The following DPP10 variants were observed in gnomAD, a reference collection of about 807,000 sequenced individuals.
DPP10 encodes the protein dipeptidyl peptidase like 10.
DPP10 carries 33 observed loss-of-function variants against 120.9 expected under a neutral mutation model. The ratio of observed to expected loss-of-function variants is 0.27; its 90% CI spans 0.21 to 0.37. DPP10 has a LOEUF of 0.37. DPP10 is among the 10% of genes least tolerant of loss of function. DPP10 has a pLI of 1.00. For synonymous variants in DPP10, 337 were observed against 326.1 expected (o/e 1.03, Z -0.36); for missense variants, 816 against 942.8 (o/e 0.87, Z 1.76).
At chr2:114,633,021 A>G (rs1695047811) in intron 1 of DPP10, among the ~76,000 whole-genome samples, 1 of 151,882 alleles carries the variant, frequency 6.6e-6, no homozygotes, top group African/African-American at 2.4e-5. Flanking sequence ...ATTTCTCCAT[A>G]TAGCTCTGGT....
At chr2:114,526,503 C>G (rs758021985) in intron 1 of DPP10, among the ~76,000 whole-genome samples, 5 of 152,230 alleles carry the variant, frequency 3.3e-5, no homozygotes, top group Middle Eastern at 3.4e-3. Context: ...ATAGAAAACA[C>G]CTTTATGTGT....
In DPP10 at chr2:114,847,323, T is replaced by C. The variant is rs552222009; in HGVS notation, c.60+404485T>C. On this transcript the variant is annotated intron_variant, in intron 1 of 25. Coordinates refer to ENST00000410059, the MANE Select transcript of DPP10 (RefSeq NM_020868.6). ...TCACCCTGATCTTCTCCTGTCCATG[T>C]TCCTAAACTTCCAGTTCAGCAATCA... Among the ~76,000 whole-genome samples, 6 of 152,272 alleles carry C rather than the reference T, an allele frequency of 3.9e-5. No homozygotes were observed. In the East Asian group the frequency reaches 9.7e-4, roughly 25 times the overall value.
intron 1 of DPP10, among the ~76,000 whole-genome samples, chr2:115,193,429 T>C (rs1246511362): frequency 2.6e-5 from 4 of 152,212 alleles, no homozygotes; most frequent in Non-Finnish European, 5.9e-5. Context: ...CAGTGTTAAC[T>C]TTTAGCAAAC....
chr2:115,816,640 C>T (rs554580863), intron 21 of DPP10, among the ~76,000 whole-genome samples: 85 of 134,232 alleles, frequency 6.3e-4, no homozygotes, highest in African/African-American at 2.0e-3. Context: ...TTTTTTGAGA[C>T]GGAGTCTCAC....
intron 1 of DPP10, among the ~76,000 whole-genome samples, chr2:114,862,656 A>G (rs1284794004): frequency 6.6e-6 from 1 of 152,218 alleles, no homozygotes. Context: ...TGAGAAATAT[A>G]TATCAGAAAT....
intron 1 of DPP10, among the ~76,000 whole-genome samples, chr2:114,652,991 AG>A (rs1302610031): frequency 5.9e-4 from 51 of 86,624 alleles, no homozygotes; most frequent in African/African-American, 3.1e-3. Context: ...TCATTGGAAG[AG>A]AGAGAGAGAG....
At chr2:114,539,433 G>A (rs1264403438) in intron 1 of DPP10, among the ~76,000 whole-genome samples, 1 of 152,058 alleles carries the variant, frequency 6.6e-6, no homozygotes, top group African/African-American at 2.4e-5. Flanking sequence ...TGTGCCATAA[G>A]GCCTCTAGGC....
intron 1 of DPP10, among the ~76,000 whole-genome samples, chr2:115,216,581 C>CGA (rs2056834934): frequency 6.6e-6 from 1 of 151,936 alleles, no homozygotes; most frequent in African/African-American, 2.4e-5. Flanking sequence ...GCCAGGAGTT[C>CGA]GAGAGAAGCC....
chr2:115,840,426 G>A (rs577480364), intron 24 of DPP10, among the ~76,000 whole-genome samples: 132 of 140,910 alleles, frequency 9.4e-4, no homozygotes, highest in East Asian at 3.2e-3. Context: ...CCGGGTTCAC[G>A]CCATTCTCCT....
intron 3 of DPP10, among the ~76,000 whole-genome samples, chr2:115,464,599 C>T (rs1352901633): frequency 6.6e-6 from 1 of 152,074 alleles, no homozygotes; most frequent in Non-Finnish European, 1.5e-5. Context: ...CATGCTACTC[C>T]TCAGGCCCAG....
chr2:115,029,990 G>T (rs1029988518), intron 1 of DPP10, among the ~76,000 whole-genome samples: 6 of 152,164 alleles, frequency 3.9e-5, no homozygotes, highest in Non-Finnish European at 8.8e-5. Context: ...CTCTGCCTAT[G>T]CAGTCTTTCC....
intron 1 of DPP10, among the ~76,000 whole-genome samples, chr2:114,929,149 A>T (rs1258238629): frequency 3.3e-5 from 5 of 152,166 alleles, no homozygotes; most frequent in Admixed American, 2.6e-4. Flanking sequence ...AGGTACAAAC[A>T]GGGAGTAAGT....
chr2:114,525,865 C>G (rs1271498265), intron 1 of DPP10, among the ~76,000 whole-genome samples: 1 of 152,144 alleles, frequency 6.6e-6, no homozygotes, highest in Non-Finnish European at 1.5e-5. Context: ...AGCATCCTAC[C>G]TTTACCATGA....
intron 1 of DPP10, among the ~76,000 whole-genome samples, chr2:114,737,156 C>A (rs1309570136): frequency 1.3e-5 from 2 of 152,114 alleles, no homozygotes; most frequent in African/African-American, 2.4e-5. Context: ...TAATTAGGAC[C>A]TGTTTTTATT....
At chr2:114,647,642 G>A (rs540801082) in intron 1 of DPP10, among the ~76,000 whole-genome samples, 23 of 151,856 alleles carry the variant, frequency 1.5e-4, no homozygotes, top group Admixed American at 9.2e-4. Context: ...GTGGCATCCA[G>A]TGCAATACCT....
chr2:115,191,159 C>T (rs2054853921), intron 1 of DPP10, among the ~76,000 whole-genome samples: 1 of 152,140 alleles, frequency 6.6e-6, no homozygotes. Flanking sequence ...ATTTATCTGA[C>T]CACGGGGAGG....
At chr2:115,240,260 A>G (rs973334739) in intron 1 of DPP10, among the ~76,000 whole-genome samples, 3 of 152,148 alleles carry the variant, frequency 2.0e-5, no homozygotes, top group Non-Finnish European at 4.4e-5. Context: ...CCTCTCCAGC[A>G]TCTGTTATTT....
intron 1 of DPP10, among the ~76,000 whole-genome samples, chr2:114,683,538 T>TCCTTCCTC (rs201575563): frequency 0.035 from 5,232 of 147,746 alleles, 131 homozygotes; most frequent in South Asian, 0.078. Flanking sequence ...CTTCCTTCCT[T>TCCTTCCTC]CCTTCCTCCC....
intron 1 of DPP10, among the ~76,000 whole-genome samples, chr2:114,709,246 A>G (rs1700874219): frequency 6.6e-6 from 1 of 152,134 alleles, no homozygotes; most frequent in South Asian, 2.1e-4. Flanking sequence ...GGTGGCAGCT[A>G]CAGTGCTACA....
Sources: allele counts gnomAD v4.1 joint callset (sites outside exome capture counted in the v4.1 genomes callset), GRCh38; gene constraint gnomAD v4.1.1; transcripts MANE v1.5; gene names NCBI Gene and HGNC (gene_info 2026-07-23, HGNC 2026-07-21).